Variants in NRK observed in about 807,000 individuals in gnomAD.
NRK encodes nik-related protein kinase.
NRK carries 67 observed loss-of-function variants against 125.2 expected under a neutral mutation model. The observed-to-expected ratio is 0.54, with a 90% confidence interval of 0.44 to 0.66. The LOEUF (loss-of-function observed/expected upper bound fraction) is 0.66, where lower values mean the gene tolerates loss of function less well. Ranked by LOEUF, NRK falls within the 30% of genes least tolerant of loss-of-function variation. NRK has a pLI of 0.00. For missense variants in NRK, 1,224 were observed against 1,192.9 expected (o/e 1.03, Z -0.38); for synonymous variants, 458 against 429.0 (o/e 1.07, Z -0.84).
chrX:105,872,219 T>C lies in NRK; in HGVS notation c.124-7980T>C, dbSNP rs141401952. ...ACTCTCTTCAGTGTCCTTTGGCAGC[T>C]AAATGACTGTCCCTCAATCTAATGT... On this transcript the variant is annotated intron_variant, in intron 2 of 28. Coordinates refer to ENST00000243300, the MANE Select transcript of NRK (RefSeq NM_198465.4). Among the ~76,000 whole-genome samples, 59 of 111,405 alleles carry C rather than the reference T, an allele frequency of 5.3e-4. No individual in the cohort carries two copies. In the East Asian group the frequency reaches 0.014, roughly 26 times the overall value.
intron 20 of NRK, 54 bp downstream of exon 20, chrX:105,934,498 A>T (rs1267288937): frequency 1.3e-6 from 1 of 758,584 alleles, no homozygotes; most frequent in East Asian, 3.4e-5. Context: ...CTTATTAAAT[A>T]GTGTTTAACC....
intron 2 of NRK, among the ~76,000 whole-genome samples, chrX:105,834,028 G>A (rs995341236): frequency 8.9e-6 from 1 of 111,851 alleles, no homozygotes; most frequent in Non-Finnish European, 1.9e-5. Context: ...GCAATTAAAA[G>A]TCAGAAAGAG....
rs1221508596 is a variant in NRK, at chrX:105,908,737, T to C, written c.1096T>C (p.Cys366Arg). The C allele has an allele frequency of 8.4e-7, 1 of 1,195,404 alleles. No individual in the cohort carries two copies. Among genetic ancestry groups the C allele is most frequent in the Admixed American group, 2.2e-5 (1 of 44,746 alleles). The change falls in exon 13 of 29, where the codon TGC (cysteine) becomes CGC (arginine). Residue 366 changes from cysteine (C) to arginine (R), a missense_variant. Coordinates refer to ENST00000243300, the MANE Select transcript of NRK (RefSeq NM_198465.4). ...GTGTGTTTATTTTAGAGGACCCTCT[T>C]GCACTCACGAGCTTCTGAGATTGCC... ...YTVRRFRGPS[C>R]THELLRLPTS...
At position 105,935,222 on chromosome X, in the gene NRK, A is replaced by T; in HGVS notation, c.3552A>T (p.Glu1184Asp). 1 of 1,193,556 alleles carries T rather than the reference A, an allele frequency of 8.4e-7. No individual in the cohort carries two copies. The highest frequency in any genetic ancestry group is 1.1e-6 in the Non-Finnish European group (1 of 879,203). ...VPEESPKQPS[E>D]VNVNPLYVSP... The stretch of plus-strand genomic sequence containing the variant: ...AGGAATCACCTAAGCAACCCTCTGA[A>T]GTCAATGTTAACCCACTCTATGTCT... Residue 1184 changes from glutamate (E) to aspartate (D), a missense_variant, in exon 21 of 29, where the codon GAA (glutamate) becomes GAT (aspartate). Coordinates refer to ENST00000243300, the MANE Select transcript of NRK (RefSeq NM_198465.4).
At chrX:105,881,657 C>G (rs2039885827) in intron 3 of NRK, 51 bp from the exon 4 acceptor site, 1 of 712,707 alleles carries the variant, frequency 1.4e-6, no homozygotes, top group Admixed American at 2.8e-5. Flanking sequence ...AAGCATAAAT[C>G]ATTTTTAGAG....
intron 16 of NRK, 81 bp from the exon 17 acceptor site, chrX:105,921,883 G>T: frequency 2.5e-6 from 1 of 396,598 alleles, no homozygotes. Flanking sequence ...AAAAAACCAA[G>T]GGATTTAACT....
chrX:105,825,186 TAAAAC>T (rs1161025118), intron 1 of NRK, among the ~76,000 whole-genome samples: 9 of 112,429 alleles, frequency 8.0e-5, no homozygotes, highest in Non-Finnish European at 1.7e-4. Context: ...TTTGAAGAAA[TAAAAC>T]CAAATGAAGA....
chrX:105,921,855 C>T (rs1249202380), intron 16 of NRK, 109 bp from the exon 17 acceptor site: 2 of 339,050 alleles, frequency 5.9e-6, no homozygotes, highest in African/African-American at 3.1e-5. Flanking sequence ...TAAAAATGAC[C>T]AAGAAAAAAA....
chrX:105,933,537 A>G (rs2040623666), intron 19 of NRK, among the ~76,000 whole-genome samples: 1 of 112,042 alleles, frequency 8.9e-6, no homozygotes, highest in Non-Finnish European at 1.9e-5. Flanking sequence ...AAATTGTCAC[A>G]TTTCGTGGCT....
chrX:105,872,704 A>G (rs1176065274), intron 2 of NRK, among the ~76,000 whole-genome samples: 6 of 111,676 alleles, frequency 5.4e-5, no homozygotes, highest in Non-Finnish European at 1.1e-4. Flanking sequence ...AAACTTTCAA[A>G]TACTAACCAA....
At chrX:105,837,112 A>G (rs944347031) in intron 2 of NRK, among the ~76,000 whole-genome samples, 9 of 111,715 alleles carry the variant, frequency 8.1e-5, no homozygotes, top group African/African-American at 2.9e-4. Context: ...ATTCCTTATT[A>G]TATTTGTGCC....
chrX:105,931,991 C>A (rs1394808079), intron 19 of NRK, among the ~76,000 whole-genome samples: 1 of 111,148 alleles, frequency 9.0e-6, no homozygotes, highest in Non-Finnish European at 1.9e-5. Context: ...ACAAACTAAA[C>A]AATTAAGTCT....
At chrX:105,830,482 C>T (rs184667999) in intron 1 of NRK, among the ~76,000 whole-genome samples, 13 of 110,000 alleles carry the variant, frequency 1.2e-4, no homozygotes, top group African/African-American at 2.3e-4. Flanking sequence ...AATAATTACA[C>T]GACTACTTAA....
chrX:105,887,431 T>G (rs973888065), intron 4 of NRK, among the ~76,000 whole-genome samples: 2 of 111,621 alleles, frequency 1.8e-5, no homozygotes, highest in African/African-American at 3.3e-5. Flanking sequence ...AAATAGCAAG[T>G]GTTGGTGATA....
intron 24 of NRK, 39 bp downstream of exon 24, chrX:105,944,080 T>C: frequency 1.4e-6 from 1 of 731,823 alleles, no homozygotes; most frequent in Non-Finnish European, 2.0e-6. Flanking sequence ...TATGATTTTT[T>C]ATTTTGAGAA....
intron 12 of NRK, 73 bp downstream of exon 12, chrX:105,908,376 CT>C: frequency 1.9e-6 from 1 of 532,609 alleles, no homozygotes. Context: ...ATACTGTTGC[CT>C]TTGGTTCAGA....
intron 2 of NRK, among the ~76,000 whole-genome samples, chrX:105,877,844 A>G (rs2039834675): frequency 9.0e-6 from 1 of 111,196 alleles, no homozygotes; most frequent in African/African-American, 3.3e-5. Flanking sequence ...GGGTAGAACC[A>G]AGCTGATTTT....
In NRK at chrX:105,855,080, A is replaced by G. The variant is rs58351317; in HGVS notation, c.123+23961A>G. 5.4e-5 allele frequency among the ~76,000 whole-genome samples: 6 copies of G among 111,770 alleles called. No individual in the cohort carries two copies. In the East Asian group the frequency reaches 1.7e-3, roughly 32 times the overall value. On this transcript the variant is annotated intron_variant, in intron 2 of 28. Coordinates refer to ENST00000243300, the MANE Select transcript of NRK (RefSeq NM_198465.4). The stretch of plus-strand genomic sequence containing the variant: ...TGGAGTTGCACCAGTGACCTGGAGG[A>G]AGTACCCTGCTTGCCTTTACCAGGT...
At chrX:105,844,011 G>GTGTGTGTGTGTGTGTGTGTGTC (rs1569290019) in intron 2 of NRK, among the ~76,000 whole-genome samples, 1 of 87,253 alleles carries the variant, frequency 1.1e-5, no homozygotes, top group African/African-American at 4.7e-5. Context: ...GTGTGTGTGT[G>GTGTGTGTGTGTGTGTGTGTGTC]TGTGTGTCTG....
Sources: gnomAD v4.1 joint callset for allele counts (sites outside exome capture counted in the v4.1 genomes callset) on GRCh38, gnomAD v4.1.1 for gene constraint, MANE v1.5 for transcripts, NCBI Gene and HGNC (gene_info 2026-07-23, HGNC 2026-07-21) for gene names.